The following FAM110B variants were observed in gnomAD, a reference collection of about 807,000 sequenced individuals.
FAM110B encodes protein FAM110B.
In FAM110B, 6 loss-of-function variants were observed where a neutral mutation model predicts 20.4. That is an observed-to-expected ratio of 0.29 (90% CI 0.16 to 0.58). The LOEUF (loss-of-function observed/expected upper bound fraction) is 0.58. Among genes scored for constraint, FAM110B ranks in the 20% least tolerant of loss-of-function variants. The pLI is 0.90. For synonymous variants in FAM110B, 226 were observed against 214.1 expected (o/e 1.06, Z -0.49); for missense variants, 434 against 498.2 (o/e 0.87, Z 1.23).
intron 3 of FAM110B, among the ~76,000 whole-genome samples, chr8:58,136,092 A>G (rs1285504357): frequency 7.1e-6 from 1 of 141,816 alleles, no homozygotes; most frequent in Non-Finnish European, 1.5e-5. Flanking sequence ...GCTCACTGCA[A>G]CCTCTGCCTC....
intron 1 of FAM110B, among the ~76,000 whole-genome samples, chr8:58,029,461 G>T (rs1194259755): frequency 6.6e-6 from 1 of 152,148 alleles, no homozygotes; most frequent in Non-Finnish European, 1.5e-5. Flanking sequence ...GTATGCCCTT[G>T]ATAACTTTTA....
At chr8:58,043,746 T>G (rs75047289) in intron 2 of FAM110B, among the ~76,000 whole-genome samples, 2,813 of 152,292 alleles carry the variant, frequency 0.018, 101 homozygotes, top group African/African-American at 0.065. Context: ...AGGCACTGGT[T>G]TAGCTATTTT....
At chr8:58,075,181 C>T (rs1432742190) in intron 2 of FAM110B, among the ~76,000 whole-genome samples, 1 of 151,240 alleles carries the variant, frequency 6.6e-6, no homozygotes, top group Non-Finnish European at 1.5e-5. Flanking sequence ...TCTCAGCTCA[C>T]GGAAACCTCC....
chr8:58,070,533 C>A (rs918252493), intron 2 of FAM110B: 14 of 152,226 alleles, frequency 9.2e-5, no homozygotes, highest in African/African-American at 3.1e-4. Flanking sequence ...CTCCCGCAGG[C>A]TTGCCTGGTA....
chr8:58,148,240 T>A lies in FAM110B; in HGVS notation c.*897T>A, dbSNP rs1324949222. ...TCTTTCTCTCTCCCTTTGTTGTTAT[T>A]TGATTTGGGGGAAGGGAGTGAGGCT... is the stretch of plus-strand genomic sequence containing the variant. On this transcript the variant is annotated 3_prime_UTR_variant, in exon 4 of 4. Coordinates refer to ENST00000519262, the MANE Select transcript of FAM110B (RefSeq NM_001377989.1). The A allele has an allele frequency of 1.8e-5, 3 of 166,466 alleles. No homozygotes were observed. Among genetic ancestry groups the A allele is most frequent in the Non-Finnish European group, 4.4e-5 (3 of 67,996 alleles). 10.3% of individuals were successfully genotyped at this position (166,466 alleles called of 1,614,324 possible).
chr8:58,130,132 C>G (rs766209496), intron 3 of FAM110B, among the ~76,000 whole-genome samples: 33 of 152,286 alleles, frequency 2.2e-4, no homozygotes, highest in Non-Finnish European at 4.1e-4. Flanking sequence ...AAGTCTACCT[C>G]TGCATGAAGC....
chr8:58,124,824 G>A (rs73241738), intron 3 of FAM110B, among the ~76,000 whole-genome samples: 3,972 of 152,236 alleles, frequency 0.026, 199 homozygotes, highest in African/African-American at 0.091. Context: ...TGGTATCTCT[G>A]ACTCTAGTTC....
At chr8:58,142,202 C>T (rs1034234887) in intron 3 of FAM110B, among the ~76,000 whole-genome samples, 1 of 152,186 alleles carries the variant, frequency 6.6e-6, no homozygotes, top group South Asian at 2.1e-4. Context: ...TGGCCTGTTT[C>T]CTCTGTGCTG....
At chr8:58,013,969 A>G (rs1394682240) in intron 1 of FAM110B, among the ~76,000 whole-genome samples, 1 of 152,134 alleles carries the variant, frequency 6.6e-6, no homozygotes, top group Non-Finnish European at 1.5e-5. Context: ...AGTGACTGGG[A>G]CATGGGCCTC....
chr8:58,087,759 CA>C (rs1283562292), intron 3 of FAM110B, among the ~76,000 whole-genome samples: 3 of 152,076 alleles, frequency 2.0e-5, no homozygotes, highest in Non-Finnish European at 4.4e-5. Context: ...TTTTGCATAC[CA>C]ATGTTCCACA....
chr8:58,054,761 C>G (rs1412961596), intron 2 of FAM110B, among the ~76,000 whole-genome samples: 2 of 151,954 alleles, frequency 1.3e-5, no homozygotes, highest in African/African-American at 4.8e-5. Context: ...AGAACCATGT[C>G]CCTCTAAAGC....
chr8:58,035,343 T>C (rs1344338101), intron 2 of FAM110B, among the ~76,000 whole-genome samples: 1 of 152,252 alleles, frequency 6.6e-6, no homozygotes, highest in Non-Finnish European at 1.5e-5. Context: ...TTAAATGAGA[T>C]GTGTTTAACA....
chr8:58,133,795 C>T (rs1405060099), intron 3 of FAM110B, among the ~76,000 whole-genome samples: 1 of 152,196 alleles, frequency 6.6e-6, no homozygotes, highest in African/African-American at 2.4e-5. Context: ...ACAGCTGGAC[C>T]CAACCTAGCT....
intron 3 of FAM110B, among the ~76,000 whole-genome samples, chr8:58,085,037 G>T (rs1181966059): frequency 6.6e-6 from 1 of 152,116 alleles, no homozygotes; most frequent in East Asian, 1.9e-4. Flanking sequence ...AGGGATTGAC[G>T]CATCACTCTC....
At chr8:58,018,960 G>A (rs912047347) in intron 1 of FAM110B, among the ~76,000 whole-genome samples, 1 of 152,026 alleles carries the variant, frequency 6.6e-6, no homozygotes, top group African/African-American at 2.4e-5. Flanking sequence ...CCTTTGTGCT[G>A]TTCTCTATTT....
chr8:58,027,937 GT>G (rs1369122112), intron 1 of FAM110B, among the ~76,000 whole-genome samples: 3 of 152,134 alleles, frequency 2.0e-5, no homozygotes, highest in Admixed American at 6.5e-5. Context: ...GAATCTCTGT[GT>G]TTAAATTTTG....
chr8:58,111,230 G>T (rs1200092355), intron 3 of FAM110B, among the ~76,000 whole-genome samples: 1 of 152,156 alleles, frequency 6.6e-6, no homozygotes, highest in African/African-American at 2.4e-5. Context: ...TCATCTGCCT[G>T]TATATTTGAA....
At chr8:58,007,619 C>T (rs1253751893) in intron 1 of FAM110B, among the ~76,000 whole-genome samples, 3 of 152,246 alleles carry the variant, frequency 2.0e-5, no homozygotes, top group Admixed American at 6.5e-5. Context: ...GGGATTAGTG[C>T]CCTTGTAAAA....
intron 2 of FAM110B, among the ~76,000 whole-genome samples, chr8:58,064,605 C>G (rs1489306840): frequency 6.6e-6 from 1 of 152,064 alleles, no homozygotes; most frequent in Non-Finnish European, 1.5e-5. Context: ...TTTCTAGTAT[C>G]ATCTATCCCT....
Sources: allele counts gnomAD v4.1 joint callset (sites outside exome capture counted in the v4.1 genomes callset), GRCh38; gene constraint gnomAD v4.1.1; transcripts MANE v1.5; gene names NCBI Gene and HGNC (gene_info 2026-07-23, HGNC 2026-07-21).